NEGR1: variants seen among roughly 807,000 people sequenced by gnomAD.
NEGR1 encodes the protein IgLON family member 4.
A neutral mutation model predicts 40.9 loss-of-function variants in NEGR1; 10 were observed. The ratio of observed to expected loss-of-function variants is 0.24; its 90% CI spans 0.15 to 0.42. NEGR1 has a LOEUF of 0.42. Among genes scored for constraint, NEGR1 ranks in the 10% least tolerant of loss-of-function variants. The pLI is 1.00. For synonymous variants in NEGR1, 185 were observed against 166.8 expected, an observed-to-expected ratio of 1.11 and a Z score of -0.84; for missense variants, 352 against 438.9, an observed-to-expected ratio of 0.80 and a Z score of 1.77.
In NEGR1 at chr1:71,734,931, AT is replaced by A. The variant is rs200947728; in HGVS notation, c.536-36793del. On this transcript the variant is annotated intron_variant, in intron 3 of 6. Transcript: ENST00000357731. ...TAACTTTTTTTTCCCCTCCATTTCC[AT>A]TTAATTACAGTCATTTCCCCAAGGC... 3.8e-4 allele frequency among the ~76,000 whole-genome samples: 57 copies of A among 151,410 alleles called. No individual in the cohort carries two copies. The East Asian group carries it at 0.011, about 29-fold the overall frequency.
chr1:71,504,107 A>C (rs1373193135), intron 6 of NEGR1, among the ~76,000 whole-genome samples: 3 of 151,128 alleles, frequency 2.0e-5, no homozygotes, highest in African/African-American at 7.3e-5. Context: ...AAATTAGATA[A>C]AAAAATAAAA....
At chr1:71,416,022 G>A (rs999095235) in intron 6 of NEGR1, among the ~76,000 whole-genome samples, 3 of 152,088 alleles carry the variant, frequency 2.0e-5, no homozygotes, top group African/African-American at 7.2e-5. Flanking sequence ...TTTAGCTTGG[G>A]CCTCTAGGGC....
chr1:71,939,483 T>C (rs1316946662), intron 1 of NEGR1, among the ~76,000 whole-genome samples: 1 of 152,086 alleles, frequency 6.6e-6, no homozygotes, highest in Non-Finnish European at 1.5e-5. Context: ...TATGATAAAG[T>C]GTATCAAAAT....
At chr1:72,207,378 G>T (rs2821283) in intron 1 of NEGR1, among the ~76,000 whole-genome samples, 16,910 of 151,748 alleles carry the variant, frequency 0.11, 2,510 homozygotes, top group African/African-American at 0.34. Context: ...GGCAATGTAT[G>T]TGCTCTCACT....
intron 6 of NEGR1, chr1:71,408,655 T>C (rs904121367): frequency 2.0e-5 from 3 of 151,934 alleles, no homozygotes; most frequent in African/African-American, 7.2e-5. Context: ...CTGATTCTCA[T>C]TTACCATAAT....
intron 2 of NEGR1, among the ~76,000 whole-genome samples, chr1:71,822,430 C>G (rs1315316722): frequency 6.6e-6 from 1 of 151,956 alleles, no homozygotes; most frequent in African/African-American, 2.4e-5. Context: ...TTCATGAGTG[C>G]TGGAACAATC....
chr1:71,728,009 G>T (rs1332493860), intron 3 of NEGR1, among the ~76,000 whole-genome samples: 1 of 152,112 alleles, frequency 6.6e-6, no homozygotes, highest in Admixed American at 6.6e-5. Flanking sequence ...TAAGCAAGAA[G>T]TCATAAGCCT....
intron 1 of NEGR1, among the ~76,000 whole-genome samples, chr1:72,262,073 G>T (rs1418215553): frequency 6.6e-6 from 1 of 151,888 alleles, no homozygotes; most frequent in Non-Finnish European, 1.5e-5. Context: ...CATATCACGT[G>T]GGGGAAAATG....
intron 1 of NEGR1, among the ~76,000 whole-genome samples, chr1:72,228,446 C>T (rs1654260352): frequency 6.6e-6 from 1 of 152,140 alleles, no homozygotes; most frequent in South Asian, 2.1e-4. Flanking sequence ...TGCAATCACA[C>T]CACTAGCTTT....
chr1:72,015,040 T>G (rs1197598570), intron 1 of NEGR1, among the ~76,000 whole-genome samples: 1 of 152,140 alleles, frequency 6.6e-6, no homozygotes, highest in Non-Finnish European at 1.5e-5. Context: ...CTGTGTTCAA[T>G]ATAATACTAC....
intron 6 of NEGR1, among the ~76,000 whole-genome samples, chr1:71,558,579 TTATAA>T (rs1007800082): frequency 2.0e-5 from 3 of 151,554 alleles, no homozygotes; most frequent in African/African-American, 4.8e-5. Context: ...ATTCTTTCAG[TTATAA>T]TATAGCACCA....
chr1:71,573,954 T>C (rs1570050574), intron 6 of NEGR1, among the ~76,000 whole-genome samples: 1 of 152,312 alleles, frequency 6.6e-6, no homozygotes, highest in East Asian at 1.9e-4. Context: ...TGGGAGACAC[T>C]CCTTTATGGG....
chr1:71,666,130 G>A (rs1185848425), intron 4 of NEGR1, among the ~76,000 whole-genome samples: 1 of 152,072 alleles, frequency 6.6e-6, no homozygotes, highest in African/African-American at 2.4e-5. Flanking sequence ...ACAAATGAAC[G>A]TAAATACTTC....
chr1:72,213,836 A>G (rs1260522295), intron 1 of NEGR1, among the ~76,000 whole-genome samples: 4 of 152,110 alleles, frequency 2.6e-5, no homozygotes, highest in African/African-American at 7.2e-5. Flanking sequence ...AACAATAGAA[A>G]AAGAGGAACT....
At chr1:72,155,586 T>C (rs147810182) in intron 1 of NEGR1, among the ~76,000 whole-genome samples, 1 of 152,198 alleles carries the variant, frequency 6.6e-6, no homozygotes, top group African/African-American at 2.4e-5. Context: ...AATATGTATC[T>C]TCATTGTCCT....
chr1:71,429,388 T>C (rs1646450680), intron 6 of NEGR1, among the ~76,000 whole-genome samples: 2 of 152,316 alleles, frequency 1.3e-5, no homozygotes, highest in South Asian at 2.1e-4. Context: ...TACATTTCAT[T>C]TCAAATTCAA....
intron 1 of NEGR1, among the ~76,000 whole-genome samples, chr1:72,211,580 TG>T (rs947317011): frequency 2.6e-5 from 4 of 150,992 alleles, no homozygotes; most frequent in African/African-American, 9.7e-5. Flanking sequence ...ATGCAAAAAA[TG>T]TAGGACAATG....
At chr1:71,550,621 C>T (rs928466742) in intron 6 of NEGR1, among the ~76,000 whole-genome samples, 1 of 151,520 alleles carries the variant, frequency 6.6e-6, no homozygotes, top group Non-Finnish European at 1.5e-5. Flanking sequence ...ACCTTGTAGC[C>T]ATGGTCAGCC....
intron 1 of NEGR1, among the ~76,000 whole-genome samples, chr1:71,981,301 T>C (rs956211236): frequency 3.3e-5 from 5 of 152,134 alleles, no homozygotes; most frequent in African/African-American, 1.2e-4. Flanking sequence ...GTTCATCTCA[T>C]GATTAAAGCA....
Sources: allele counts gnomAD v4.1 joint callset (sites outside exome capture counted in the v4.1 genomes callset), GRCh38; gene constraint gnomAD v4.1.1; transcripts MANE v1.5; gene names NCBI Gene and HGNC (gene_info 2026-07-23, HGNC 2026-07-21).